The following CYSTM1 variants were observed in gnomAD, a reference collection of about 807,000 sequenced individuals.
CYSTM1 encodes the protein cysteine rich transmembrane module containing 1.
A neutral mutation model predicts 13.1 loss-of-function variants in CYSTM1; 4 were observed. That is an observed-to-expected ratio of 0.31 (90% CI 0.15 to 0.70). The LOEUF is 0.70. Ranked by LOEUF, CYSTM1 falls within the 30% of genes least tolerant of loss-of-function variation. CYSTM1 has a pLI of 0.72. For synonymous variants in CYSTM1, 36 were observed against 42.7 expected, an observed-to-expected ratio of 0.84 and a Z score of 0.62; for missense variants, 96 against 121.6, an observed-to-expected ratio of 0.79 and a Z score of 0.99.
intron 1 of CYSTM1, among the ~76,000 whole-genome samples, chr5:140,186,269 G>T (rs945902901): frequency 6.6e-6 from 1 of 152,110 alleles, no homozygotes; most frequent in Non-Finnish European, 1.5e-5. Flanking sequence ...CCTTTTAAAA[G>T]AAATAAAGAA....
At chr5:140,205,683 G>A (rs1295245595) in intron 2 of CYSTM1, among the ~76,000 whole-genome samples, 2 of 152,186 alleles carry the variant, frequency 1.3e-5, no homozygotes, top group Non-Finnish European at 2.9e-5. Context: ...CATCTTTACA[G>A]TTTATGGCAC....
chr5:140,212,998 TATATATATATATGA>T (rs199671609), intron 2 of CYSTM1, among the ~76,000 whole-genome samples: 1,676 of 139,756 alleles, frequency 0.012, 70 homozygotes, highest in African/African-American at 0.04. Context: ...TATATATATA[TATATATATATATGA>T]GAGAGAGAGA....
At position 140,194,667 on chromosome 5, in the gene CYSTM1, A is replaced by G. The variant is rs1764134573; in HGVS notation, c.187+15A>G. The G allele has an allele frequency of 1.9e-6, 3 of 1,602,982 alleles. No homozygotes were observed. The highest frequency in any genetic ancestry group is 2.5e-6 in the Non-Finnish European group (3 of 1,176,678). The stretch of plus-strand genomic sequence containing the variant: ...TAAAACCACAGGTGTGTGTCTCTGA[A>G]TATGTGGGTGTGCAGTCCCGTGTCA... On this transcript the variant is annotated intron_variant, in intron 2 of 2. Coordinates refer to ENST00000261811, the MANE Select transcript of CYSTM1 (RefSeq NM_032412.4).
intron 1 of CYSTM1, among the ~76,000 whole-genome samples, chr5:140,176,795 T>C (rs1228387055): frequency 1.3e-5 from 2 of 152,098 alleles, no homozygotes; most frequent in African/African-American, 4.8e-5. Context: ...CCTGGCCTGG[T>C]GCGGTGGCTC....
At chr5:140,188,070 C>T (rs1055290580) in intron 1 of CYSTM1, among the ~76,000 whole-genome samples, 3 of 133,522 alleles carry the variant, frequency 2.2e-5, no homozygotes, top group Non-Finnish European at 4.8e-5. Context: ...TTAATTTTAA[C>T]TTTTTTTTTT....
intron 1 of CYSTM1, among the ~76,000 whole-genome samples, chr5:140,190,454 C>A (rs73793717): frequency 0.028 from 4,250 of 152,204 alleles, 201 homozygotes; most frequent in African/African-American, 0.097. Flanking sequence ...CTGGGTGAGT[C>A]ATTTCTTTGG....
intron 1 of CYSTM1, among the ~76,000 whole-genome samples, chr5:140,176,436 A>G (rs894603216): frequency 1.3e-5 from 2 of 152,218 alleles, no homozygotes; most frequent in African/African-American, 4.8e-5. Flanking sequence ...TTGTGGAGTA[A>G]CCATGTTAGC....
intron 2 of CYSTM1, among the ~76,000 whole-genome samples, chr5:140,238,811 T>G (rs1581075268): frequency 6.6e-6 from 1 of 152,242 alleles, no homozygotes; most frequent in Admixed American, 6.5e-5. Flanking sequence ...CTGGTTGGCC[T>G]CCTTCTGTCG....
At position 140,189,612 on chromosome 5, in the gene CYSTM1, G is replaced by A. The variant is rs145473474; in HGVS notation, c.-20-4834G>A. 1.7e-3 allele frequency among the ~76,000 whole-genome samples: 266 copies of A among 152,184 alleles called. 2 individuals carry two copies. The highest frequency in any genetic ancestry group is 6.1e-3 in the African/African-American group (253 of 41,522). On this transcript the variant is annotated intron_variant, in intron 1 of 2. Transcript: ENST00000261811. Reference sequence around the variant, plus strand: ...CTGGGATTCATCCATGTTGTTTCACGTAATAATAGTTATTTTATTTATTGT... The same window carrying A: ...CTGGGATTCATCCATGTTGTTTCACATAATAATAGTTATTTTATTTATTGT...
intron 2 of CYSTM1, among the ~76,000 whole-genome samples, chr5:140,199,639 C>T (rs967979506): frequency 2.6e-5 from 4 of 152,164 alleles, no homozygotes; most frequent in South Asian, 2.1e-4. Context: ...TACAGGCATG[C>T]GCCACCATGG....
chr5:140,177,139 G>C (rs1257640657), intron 1 of CYSTM1, among the ~76,000 whole-genome samples: 1 of 151,462 alleles, frequency 6.6e-6, no homozygotes, highest in Admixed American at 6.6e-5. Flanking sequence ...GGCTGCGTAA[G>C]TGTTAGTTGG....
At chr5:140,243,280 A>G (rs1764774017) in intron 2 of CYSTM1, 25 bp from the exon 3 acceptor site, 5 of 1,605,342 alleles carry the variant, frequency 3.1e-6, no homozygotes, top group Non-Finnish European at 3.4e-6. Context: ...GTCCATTCTC[A>G]CCCTCTTCCC....
intron 2 of CYSTM1, among the ~76,000 whole-genome samples, chr5:140,238,411 C>T (rs1764709475): frequency 6.6e-6 from 1 of 152,174 alleles, no homozygotes; most frequent in South Asian, 2.1e-4. Context: ...CCAGATATTC[C>T]CTGGAAGGAC....
At chr5:140,197,960 T>C (rs1447070553) in intron 2 of CYSTM1, among the ~76,000 whole-genome samples, 2 of 152,164 alleles carry the variant, frequency 1.3e-5, no homozygotes, top group Non-Finnish European at 2.9e-5. Context: ...TTAGAATTCA[T>C]GTGTCAGAGA....
Position 140,175,445 on chromosome 5 carries a change from C to T in CYSTM1, c.-21+160C>T, listed in dbSNP as rs1763868275. On this transcript the variant is annotated intron_variant, in intron 1 of 2. Coordinates refer to ENST00000261811, the MANE Select transcript of CYSTM1 (RefSeq NM_032412.4). The surrounding 1 kb of genome is among the most constrained non-coding windows in gnomAD (Gnocchi z 4.9). ...GGTTCGCGCAGCCCCTGGGGAGGGG[C>T]AGGGAGGCAGGGAAGCTGCTGCCGC... Among the ~76,000 whole-genome samples, 1 of 151,786 alleles carries T rather than the reference C, an allele frequency of 6.6e-6. No individual in the cohort carries two copies. The highest frequency in any genetic ancestry group is 2.4e-5 in the African/African-American group (1 of 41,304).
At chr5:140,226,379 A>G (rs923761100) in intron 2 of CYSTM1, among the ~76,000 whole-genome samples, 56 of 148,414 alleles carry the variant, frequency 3.8e-4, no homozygotes, top group Admixed American at 3.2e-3. Flanking sequence ...CTATAATCCC[A>G]GCACTTTGGG....
rs776945341 is a variant in CYSTM1 at position 140,194,451 on chromosome 5, C to T, written c.-15C>T. On this transcript the variant is annotated 5_prime_UTR_variant, in exon 2 of 3. Transcript: ENST00000261811. ...TCATTCTTTTTGTCTCTTAGGTGCA[C>T]TTTACAGGTCCCCGATGAACCAAGA... 10 of 1,559,522 alleles carry T rather than the reference C, an allele frequency of 6.4e-6. No individual in the cohort carries two copies. In the South Asian group the frequency reaches 1.2e-4, roughly 19 times the overall value.
chr5:140,194,409 T>C (rs1410918605), intron 1 of CYSTM1, 37 bp from the exon 2 acceptor site: 4 of 1,502,764 alleles, frequency 2.7e-6, no homozygotes, highest in East Asian at 2.4e-5. Context: ...ATTTCCACAG[T>C]TAAATGCAAA....
chr5:140,194,671 G>A lies in CYSTM1; in HGVS notation c.187+19G>A, dbSNP rs1462712219. On this transcript the variant is annotated intron_variant, in intron 2 of 2. Transcript: ENST00000261811. Reference sequence around the variant, plus strand: ...ACCACAGGTGTGTGTCTCTGAATATGTGGGTGTGCAGTCCCGTGTCACTAA... The same window carrying A: ...ACCACAGGTGTGTGTCTCTGAATATATGGGTGTGCAGTCCCGTGTCACTAA... 1 of 1,600,582 alleles carries A rather than the reference G, an allele frequency of 6.2e-7. No individual in the cohort carries two copies. Among genetic ancestry groups the A allele is most frequent in the Non-Finnish European group, 8.5e-7 (1 of 1,175,914 alleles).
Sources: allele counts gnomAD v4.1 joint callset (sites outside exome capture counted in the v4.1 genomes callset), GRCh38; gene constraint gnomAD v4.1.1; non-coding constraint Gnocchi (gnomAD v3.1); transcripts MANE v1.5; gene names NCBI Gene and HGNC (gene_info 2026-07-23, HGNC 2026-07-21).